C3orf33: variants seen among roughly 807,000 people sequenced by gnomAD.
C3orf33 encodes mitochondrial inner membrane subdomain organizer 1.
Under a neutral mutation model 28.7 loss-of-function variants are expected in C3orf33, and 23 were observed. The observed-to-expected ratio is 0.80, with a 90% CI of 0.58 to 1.13. The LOEUF (loss-of-function observed/expected upper bound fraction) is 1.13. Ranked by LOEUF, C3orf33 falls within the 50% of genes most tolerant of loss-of-function variation. The pLI, the probability that C3orf33 is intolerant of heterozygous loss-of-function variation, is 0.00. For synonymous variants in C3orf33, 119 were observed against 120.5 expected (o/e 0.99, Z 0.08); for missense variants, 327 against 353.4 (o/e 0.93, Z 0.60).
At chr3:155,781,768 C>T (rs1321617424) in intron 2 of C3orf33, among the ~76,000 whole-genome samples, 1 of 64,504 alleles carries the variant, frequency 1.6e-5, no homozygotes, top group Non-Finnish European at 2.9e-5. Context: ...GACTCTATCT[C>T]AAAAAAAAAA....
At chr3:155,800,719 T>C (rs1053698716) in intron 2 of C3orf33, among the ~76,000 whole-genome samples, 2 of 138,984 alleles carry the variant, frequency 1.4e-5, no homozygotes, top group Non-Finnish European at 3.1e-5. Flanking sequence ...ACAGAACTCC[T>C]AAAATTCAAC....
At chr3:155,765,460 CT>C (rs776143424) in intron 4 of C3orf33, among the ~76,000 whole-genome samples, 47 of 152,264 alleles carry the variant, frequency 3.1e-4, no homozygotes, top group Non-Finnish European at 5.9e-5. Flanking sequence ...TAATTATACT[CT>C]TTAACTTAAA....
chr3:155,775,378 A>G (rs1750707602), intron 3 of C3orf33, among the ~76,000 whole-genome samples: 1 of 151,836 alleles, frequency 6.6e-6, no homozygotes, highest in South Asian at 2.1e-4. Context: ...AATCCTAGCT[A>G]CTCAGGAGGC....
intron 2 of C3orf33, among the ~76,000 whole-genome samples, chr3:155,789,242 G>C (rs1751238958): frequency 6.6e-6 from 1 of 151,926 alleles, no homozygotes; most frequent in Non-Finnish European, 1.5e-5. Flanking sequence ...CTACTCAGGA[G>C]GCTGAGGCAG....
At chr3:155,795,653 C>A (rs1050086603) in intron 2 of C3orf33, among the ~76,000 whole-genome samples, 2 of 151,878 alleles carry the variant, frequency 1.3e-5, no homozygotes, top group African/African-American at 2.4e-5. Context: ...TTAAAAATTT[C>A]TTGAATCAAA....
intron 4 of C3orf33, among the ~76,000 whole-genome samples, chr3:155,765,439 CTTTT>C (rs969013275): frequency 6.6e-6 from 1 of 152,132 alleles, no homozygotes; most frequent in Admixed American, 6.6e-5. Flanking sequence ...TAATCATCTC[CTTTT>C]TTTTGGTAAT....
intron 2 of C3orf33, among the ~76,000 whole-genome samples, chr3:155,793,823 AAAAAC>A (rs1751389838): frequency 9.6e-6 from 1 of 104,568 alleles, no homozygotes. Context: ...AAAAAAAAAA[AAAAAC>A]TAAAAAAACT....
At chr3:155,783,652 A>G (rs570219280) in intron 2 of C3orf33, among the ~76,000 whole-genome samples, 1 of 152,040 alleles carries the variant, frequency 6.6e-6, no homozygotes, top group Admixed American at 6.5e-5. Flanking sequence ...ATTGTAGTAG[A>G]GACAGGGTTT....
At chr3:155,775,264 C>T (rs997260751) in intron 3 of C3orf33, among the ~76,000 whole-genome samples, 6 of 152,082 alleles carry the variant, frequency 3.9e-5, no homozygotes, top group South Asian at 2.1e-4. Context: ...CCGAGGTGGG[C>T]GGATCACCTG....
At chr3:155,786,067 G>C (rs1751090996) in intron 2 of C3orf33, among the ~76,000 whole-genome samples, 1 of 148,020 alleles carries the variant, frequency 6.8e-6, no homozygotes, top group Non-Finnish European at 1.5e-5. Flanking sequence ...AAAGGAAAAA[G>C]GGAAGGAAAG....
At chr3:155,798,467 A>G (rs1254297795) in intron 2 of C3orf33, among the ~76,000 whole-genome samples, 1 of 152,218 alleles carries the variant, frequency 6.6e-6, no homozygotes, top group Non-Finnish European at 1.5e-5. Flanking sequence ...ACAAATCCAT[A>G]CATCTACAGT....
rs77559201 is a variant in C3orf33 at position 155,780,719 on chromosome 3, C to T, written c.175-4871G>A. On this transcript the variant is annotated intron_variant, in intron 2 of 4. Transcript: ENST00000340171. ...TAGGGATGGGAAAGCTAAATGGTCA[C>T]TCTCCCTGCATCCTTTCCAGGTAGA... Among the ~76,000 whole-genome samples, 1,046 of 152,204 alleles carry T rather than the reference C, an allele frequency of 6.9e-3. 20 individuals carry two copies. The highest frequency in any genetic ancestry group is 0.045 in the Admixed American group (682 of 15,290).
chr3:155,805,452 C>T (rs987788307), intron 1 of C3orf33: 1 of 354,898 alleles, frequency 2.8e-6, no homozygotes. Flanking sequence ...AGAGGGAGAC[C>T]CTGTCTCAAA....
intron 2 of C3orf33, among the ~76,000 whole-genome samples, chr3:155,789,644 G>A (rs923113377): frequency 6.6e-6 from 1 of 151,454 alleles, no homozygotes; most frequent in African/African-American, 2.4e-5. Context: ...GAATCACAAG[G>A]GATCTCAAAT....
chr3:155,772,277 T>G (rs17349490), intron 3 of C3orf33, among the ~76,000 whole-genome samples: 21,919 of 151,882 alleles, frequency 0.14, 1,673 homozygotes, highest in Middle Eastern at 0.19. Context: ...CAGTAGAGAG[T>G]GACTATGTCA....
Position 155,806,242 on chromosome 3 carries a change from T to G in C3orf33, c.11A>C (p.Gln4Pro), listed in dbSNP as rs1577444389. Residue 4 changes from glutamine to proline, a missense_variant, in exon 1 of 5, where the codon CAG (glutamine) becomes CCG (proline). Transcript: ENST00000340171. MAG[Q>P]PAATGSPSAD... Reference sequence around the variant, plus strand: ...AGACGGCGAGCCGGTGGCCGCGGGCTGCCCCGCCATGTTCCCGGCCTCCTG... The same window carrying G: ...AGACGGCGAGCCGGTGGCCGCGGGCGGCCCCGCCATGTTCCCGGCCTCCTG... The G allele has an allele frequency of 6.9e-7, 1 of 1,455,118 alleles. No homozygotes were observed. The highest frequency in any genetic ancestry group is 1.4e-5 in the African/African-American group (1 of 69,066). The allele number at this position is 1,455,118 out of a possible 1,614,324, so 90.1% of individuals were successfully genotyped here.
chr3:155,775,364 C>T (rs1750707315), intron 3 of C3orf33, among the ~76,000 whole-genome samples: 1 of 151,964 alleles, frequency 6.6e-6, no homozygotes, highest in African/African-American at 2.4e-5. Context: ...TGGTGCATGA[C>T]TGTAATCCTA....
In C3orf33 at chr3:155,798,512, G is replaced by A. The variant is rs537383383; in HGVS notation, c.174+4020C>T. Among the ~76,000 whole-genome samples, 27 of 152,300 alleles carry A rather than the reference G, an allele frequency of 1.8e-4. No individual in the cohort carries two copies. The South Asian group carries it at 5.6e-3, about 32-fold the overall frequency. ...TTCAACAAAGGTGCCAAGAACATAA[G>A]TTGGAGAAAGGGCAGTCTCTTTGAT... On this transcript the variant is annotated intron_variant, in intron 2 of 4. Transcript: ENST00000340171.
At chr3:155,796,869 T>A (rs866559184) in intron 2 of C3orf33, among the ~76,000 whole-genome samples, 2 of 152,154 alleles carry the variant, frequency 1.3e-5, no homozygotes, top group African/African-American at 4.8e-5. Flanking sequence ...CATACATAAA[T>A]CAATCGATGT....
Sources: gnomAD v4.1 joint callset for allele counts (sites outside exome capture counted in the v4.1 genomes callset) on GRCh38, gnomAD v4.1.1 for gene constraint, MANE v1.5 for transcripts, NCBI Gene and HGNC (gene_info 2026-07-23, HGNC 2026-07-21) for gene names.